SGCZ: variants seen among roughly 807,000 people sequenced by gnomAD.
The protein encoded by SGCZ is sarcoglycan zeta.
In SGCZ, 40 loss-of-function variants were observed where a neutral mutation model predicts 41.3. The observed-to-expected ratio is 0.97, with a 90% CI of 0.75 to 1.26. The LOEUF is 1.26. Among genes scored for constraint, SGCZ ranks in the 50% most tolerant of loss-of-function variants. The pLI, the probability that SGCZ is intolerant of heterozygous loss-of-function variation, is 0.00. For missense variants in SGCZ, 552 were observed against 369.8 expected, an observed-to-expected ratio of 1.49 and a Z score of -4.04; for synonymous variants, 206 against 137.5, an observed-to-expected ratio of 1.50 and a Z score of -3.49.
At chr8:15,134,300 A>C (rs1230491439) in intron 1 of SGCZ, among the ~76,000 whole-genome samples, 1 of 107,814 alleles carries the variant, frequency 9.3e-6, no homozygotes, top group Non-Finnish European at 2.1e-5. Flanking sequence ...TAGGAGCATT[A>C]GGTCTTTTTT....
chr8:14,377,282 C>T (rs1398190117), intron 2 of SGCZ, among the ~76,000 whole-genome samples: 3 of 152,096 alleles, frequency 2.0e-5, no homozygotes, highest in Non-Finnish European at 2.9e-5. Context: ...AGGGCTTCTA[C>T]ATTGGTGAAC....
At chr8:14,960,919 T>C (rs1239259171) in intron 1 of SGCZ, among the ~76,000 whole-genome samples, 1 of 135,808 alleles carries the variant, frequency 7.4e-6, no homozygotes, top group Non-Finnish European at 1.6e-5. Flanking sequence ...ATCTTTCTAC[T>C]GCAAGGAAAT....
At chr8:14,877,266 C>A (rs186660240) in intron 1 of SGCZ, among the ~76,000 whole-genome samples, 2,111 of 152,266 alleles carry the variant, frequency 0.014, 25 homozygotes, top group Middle Eastern at 0.044. Flanking sequence ...AGCCACCACA[C>A]CAAGCCAGAG....
At chr8:14,484,315 A>C (rs13272869) in intron 2 of SGCZ, among the ~76,000 whole-genome samples, 1 of 151,882 alleles carries the variant, frequency 6.6e-6, no homozygotes, top group Non-Finnish European at 1.5e-5. Context: ...AATGGTAAGA[A>C]GAGAGCTAAG....
In SGCZ at chr8:14,926,251, T is replaced by C. The variant is rs1454549928; in HGVS notation, c.39+311334A>G. 2.6e-5 allele frequency among the ~76,000 whole-genome samples: 4 copies of C among 152,270 alleles called. No individual in the cohort carries two copies. In the East Asian group the frequency reaches 7.7e-4, roughly 29 times the overall value. On this transcript the variant is annotated intron_variant, in intron 1 of 7. Transcript: ENST00000382080. ...CGTTCAAATTTTGGACAATTTTATA[T>C]AAAATAAGCATAAAAAATAATAAAA...
intron 1 of SGCZ, among the ~76,000 whole-genome samples, chr8:14,855,442 T>C (rs1420186409): frequency 3.9e-5 from 6 of 152,144 alleles, no homozygotes; most frequent in Admixed American, 3.9e-4. Flanking sequence ...TATTCCCATG[T>C]CAAAACATTG....
Position 14,688,147 on chromosome 8 carries a change from C to T in SGCZ, c.40-133221G>A, listed in dbSNP as rs375470204. Among the ~76,000 whole-genome samples the T allele has an allele frequency of 1.5e-3, 224 of 152,164 alleles. 2 individuals are homozygous for T. In the South Asian group the frequency reaches 0.018, roughly 13 times the overall value. ...AATTTTCTCCCATTTTGTAGGTTGC[C>T]TGTTCACTCTGATGGTAGTTTCTTT... On this transcript the variant is annotated intron_variant, in intron 1 of 7. Transcript: ENST00000382080.
At chr8:14,835,936 T>A (rs1802686600) in intron 1 of SGCZ, among the ~76,000 whole-genome samples, 1 of 152,208 alleles carries the variant, frequency 6.6e-6, no homozygotes, top group African/African-American at 2.4e-5. Context: ...ATAGCTGAAA[T>A]TAAATTTCCA....
intron 1 of SGCZ, among the ~76,000 whole-genome samples, chr8:14,843,377 A>T (rs1414576120): frequency 6.6e-6 from 1 of 152,130 alleles, no homozygotes; most frequent in Non-Finnish European, 1.5e-5. Context: ...AAAACTAGTG[A>T]AATCAACACA....
At chr8:14,671,928 T>G (rs1459436222) in intron 1 of SGCZ, among the ~76,000 whole-genome samples, 1 of 152,160 alleles carries the variant, frequency 6.6e-6, no homozygotes, top group Non-Finnish European at 1.5e-5. Context: ...CTAACATATT[T>G]TGCCATTTTG....
rs971668526 is a variant in SGCZ, at chr8:14,267,545, G to A, written c.337-29866C>T. The stretch of plus-strand genomic sequence containing the variant: ...TTTAGTGCTTGTCCATTCTGGTATC[G>A]CCTAGTCTCATGATGCTATTATGCA... On this transcript the variant is annotated intron_variant, in intron 3 of 7. Coordinates refer to ENST00000382080, the MANE Select transcript of SGCZ (RefSeq NM_139167.4). Among the ~76,000 whole-genome samples the A allele has an allele frequency of 5.9e-5, 9 of 151,936 alleles. 1 individual carries two copies. The highest frequency in any genetic ancestry group is 1.2e-4 in the Non-Finnish European group (8 of 67,914).
chr8:14,424,595 T>C (rs1343093863), intron 2 of SGCZ, among the ~76,000 whole-genome samples: 5 of 151,080 alleles, frequency 3.3e-5, no homozygotes, highest in Middle Eastern at 3.4e-3. Context: ...CTATAATTCA[T>C]ATATTTTTTA....
chr8:14,357,060 A>G (rs1172040273), intron 2 of SGCZ, among the ~76,000 whole-genome samples: 1 of 152,138 alleles, frequency 6.6e-6, no homozygotes, highest in Non-Finnish European at 1.5e-5. Flanking sequence ...TATTTTATGC[A>G]AAAGTAAATG....
chr8:15,171,532 T>A (rs527881746), intron 1 of SGCZ, among the ~76,000 whole-genome samples: 1 of 152,218 alleles, frequency 6.6e-6, no homozygotes, highest in Non-Finnish European at 1.5e-5. Flanking sequence ...GTCTAAAAGC[T>A]ACTTCTCTTT....
intron 1 of SGCZ, among the ~76,000 whole-genome samples, chr8:15,196,394 G>A (rs1800732633): frequency 6.6e-6 from 1 of 152,094 alleles, no homozygotes; most frequent in South Asian, 2.1e-4. Flanking sequence ...AAAAAGTGCA[G>A]GTATCAAAAG....
At chr8:14,893,698 G>C (rs1370924886) in intron 1 of SGCZ, among the ~76,000 whole-genome samples, 1 of 152,138 alleles carries the variant, frequency 6.6e-6, no homozygotes, top group Non-Finnish European at 1.5e-5. Flanking sequence ...ATGCTGATAA[G>C]CGCTCATGGC....
chr8:15,195,670 C>G (rs553572456), intron 1 of SGCZ, among the ~76,000 whole-genome samples: 33 of 152,256 alleles, frequency 2.2e-4, no homozygotes, highest in African/African-American at 7.9e-4. Flanking sequence ...AAACGTCTCT[C>G]TGCAGGATTA....
chr8:14,888,770 A>G (rs1804902127), intron 1 of SGCZ, among the ~76,000 whole-genome samples: 2 of 152,186 alleles, frequency 1.3e-5, no homozygotes, highest in South Asian at 2.1e-4. Context: ...CACATTGTCT[A>G]TATACATTCA....
intron 1 of SGCZ, among the ~76,000 whole-genome samples, chr8:14,969,931 G>C (rs552489099): frequency 1.3e-5 from 2 of 152,168 alleles, no homozygotes; most frequent in African/African-American, 4.8e-5. Flanking sequence ...TCAAGAAATT[G>C]CCAAACTATA....
Sources: gnomAD v4.1 joint callset for allele counts (sites outside exome capture counted in the v4.1 genomes callset) on GRCh38, gnomAD v4.1.1 for gene constraint, MANE v1.5 for transcripts, NCBI Gene and HGNC (gene_info 2026-07-23, HGNC 2026-07-21) for gene names.